PTPRG: variants seen among roughly 807,000 people sequenced by gnomAD.
The protein encoded by PTPRG is protein tyrosine phosphatase receptor type G.
Under a neutral mutation model 165.3 loss-of-function variants are expected in PTPRG, and 102 were observed. That is an observed-to-expected ratio of 0.62 (90% CI 0.53 to 0.73). The LOEUF (loss-of-function observed/expected upper bound fraction) is 0.73. Among genes scored for constraint, PTPRG ranks in the 30% least tolerant of loss-of-function variants. The pLI, the probability that PTPRG is intolerant of heterozygous loss-of-function variation, is 0.00. For missense variants in PTPRG, 1,866 were observed against 1,861.4 expected, an observed-to-expected ratio of 1.00 and a Z score of -0.05; for synonymous variants, 675 against 669.5, an observed-to-expected ratio of 1.01 and a Z score of -0.13.
intron 1 of PTPRG, among the ~76,000 whole-genome samples, chr3:61,570,735 G>A (rs574210195): frequency 8.7e-4 from 133 of 152,272 alleles, no homozygotes; most frequent in African/African-American, 3.1e-3. Flanking sequence ...AAATATTACT[G>A]ACTTTTTAAG....
At chr3:62,170,124 T>C (rs1218578753) in intron 8 of PTPRG, among the ~76,000 whole-genome samples, 1 of 152,066 alleles carries the variant, frequency 6.6e-6, no homozygotes, top group Admixed American at 6.6e-5. Flanking sequence ...TTGGGGACAA[T>C]AGATTGTCAA....
intron 2 of PTPRG, among the ~76,000 whole-genome samples, chr3:61,924,089 T>C (rs781124884): frequency 7.9e-5 from 12 of 152,358 alleles, no homozygotes; most frequent in Non-Finnish European, 1.5e-4. Flanking sequence ...GATTTTCCTT[T>C]TTTTCTGCTA....
At chr3:62,268,236 A>G (rs1413535495) in intron 19 of PTPRG, among the ~76,000 whole-genome samples, 1 of 152,024 alleles carries the variant, frequency 6.6e-6, no homozygotes, top group Non-Finnish European at 1.5e-5. Context: ...GGAACTACTA[A>G]TAGTTAAGAT....
intron 5 of PTPRG, among the ~76,000 whole-genome samples, chr3:62,112,312 C>G (rs985391813): frequency 3.3e-5 from 5 of 152,016 alleles, no homozygotes; most frequent in African/African-American, 1.2e-4. Flanking sequence ...CTATGTTGGC[C>G]AGGCTGGTCT....
intron 4 of PTPRG, among the ~76,000 whole-genome samples, chr3:62,019,189 A>G (rs1470542961): frequency 1.3e-5 from 2 of 152,184 alleles, no homozygotes; most frequent in Non-Finnish European, 2.9e-5. Flanking sequence ...CCTGAATCAG[A>G]TGTTGAACAG....
intron 2 of PTPRG, among the ~76,000 whole-genome samples, chr3:61,806,914 A>G (rs1473726917): frequency 1.3e-5 from 2 of 152,220 alleles, no homozygotes; most frequent in African/African-American, 2.4e-5. Flanking sequence ...GGAGTTTTAC[A>G]GGTGGAAACA....
rs180689154 is a variant in PTPRG, at chr3:61,970,227, C to T, written c.191-19398C>T. ...TAGCTTTTTGGATGGCATTGAGAAA[C>T]TCATGAGGAGAAGGAAAGAAGGCCT... On this transcript the variant is annotated intron_variant, in intron 2 of 29. Coordinates refer to ENST00000474889, the MANE Select transcript of PTPRG (RefSeq NM_002841.4). Among the ~76,000 whole-genome samples the T allele has an allele frequency of 5.9e-5, 9 of 151,726 alleles. 1 individual carries two copies. The highest frequency in any genetic ancestry group is 8.8e-5 in the Non-Finnish European group (6 of 68,014).
intron 3 of PTPRG, among the ~76,000 whole-genome samples, chr3:61,994,089 G>A (rs879644337): frequency 1.1e-4 from 17 of 152,150 alleles, no homozygotes; most frequent in Non-Finnish European, 1.6e-4. Context: ...ACTATCTATT[G>A]TGCCAGTTCC....
intron 2 of PTPRG, among the ~76,000 whole-genome samples, chr3:61,829,597 C>A (rs533087911): frequency 6.6e-6 from 1 of 152,206 alleles, no homozygotes; most frequent in African/African-American, 2.4e-5. Context: ...GGATTTGATG[C>A]GACTACAGTT....
At chr3:61,751,959 A>G (rs1171606443) in intron 2 of PTPRG, among the ~76,000 whole-genome samples, 4 of 151,892 alleles carry the variant, frequency 2.6e-5, no homozygotes, top group African/African-American at 7.3e-5. Context: ...CGCCCACTGC[A>G]CTCCAGCCTG....
chr3:61,825,215 G>GTC (rs1231235125), intron 2 of PTPRG, among the ~76,000 whole-genome samples: 1 of 152,172 alleles, frequency 6.6e-6, no homozygotes, highest in Non-Finnish European at 1.5e-5. Flanking sequence ...ACATTCATGT[G>GTC]TCTCAACACT....
At chr3:61,842,020 T>A (rs607882) in intron 2 of PTPRG, among the ~76,000 whole-genome samples, 63,345 of 152,070 alleles carry the variant, frequency 0.42, 14,220 homozygotes, top group East Asian at 0.63. Context: ...CTGATAAGTA[T>A]ACAAGAAATG....
At chr3:62,274,472 A>C (rs1702170405) in intron 23 of PTPRG, among the ~76,000 whole-genome samples, 1 of 152,162 alleles carries the variant, frequency 6.6e-6, no homozygotes, top group Admixed American at 6.5e-5. Flanking sequence ...AATTGCTTCT[A>C]ACTTTCAAAC....
At chr3:62,277,817 G>A in intron 26 of PTPRG, 138 bp downstream of exon 26, 3 of 1,051,744 alleles carry the variant, frequency 2.9e-6, no homozygotes, top group Non-Finnish European at 4.0e-6. Flanking sequence ...TCATCTTGAA[G>A]TCTGTGGAGA....
chr3:62,095,682 CAT>C (rs1379671735), intron 5 of PTPRG, among the ~76,000 whole-genome samples: 1 of 152,052 alleles, frequency 6.6e-6, no homozygotes, highest in Non-Finnish European at 1.5e-5. Context: ...TATGATTCAA[CAT>C]GTGTGAGGTC....
At chr3:62,174,246 T>A (rs1705329259) in intron 8 of PTPRG, among the ~76,000 whole-genome samples, 1 of 152,204 alleles carries the variant, frequency 6.6e-6, no homozygotes, top group Admixed American at 6.5e-5. Context: ...ATGAAACATA[T>A]GGTTTATTAA....
rs1331384790 is a variant in PTPRG, at chr3:62,228,139, C to A, written c.2289-3086C>A. The stretch of plus-strand genomic sequence containing the variant: ...AAAATAGTGTGTTCTGGGAAGGACT[C>A]TGACCACAGCCAGGGTTAGGTGAGA... On this transcript the variant is annotated intron_variant, in intron 13 of 29. Transcript: ENST00000474889. The surrounding 1 kb of genome is among the most constrained non-coding windows in gnomAD (Gnocchi z 4.1). Among the ~76,000 whole-genome samples the A allele has an allele frequency of 6.6e-6, 1 of 151,912 alleles. No homozygotes were observed. The highest frequency in any genetic ancestry group is 2.4e-5 in the African/African-American group (1 of 41,344).
intron 2 of PTPRG, among the ~76,000 whole-genome samples, chr3:61,921,978 C>G (rs2039088339): frequency 6.6e-6 from 1 of 152,156 alleles, no homozygotes; most frequent in South Asian, 2.1e-4. Flanking sequence ...CCAGATCTGT[C>G]TTTAATGTAT....
At chr3:61,956,079 G>A (rs2040019538) in intron 2 of PTPRG, among the ~76,000 whole-genome samples, 1 of 140,376 alleles carries the variant, frequency 7.1e-6, no homozygotes, top group South Asian at 2.5e-4. Flanking sequence ...TGTGGACTAA[G>A]GGGAAAAAAA....
Sources: gnomAD v4.1 joint callset for allele counts (sites outside exome capture counted in the v4.1 genomes callset) on GRCh38, gnomAD v4.1.1 for gene constraint, Gnocchi (gnomAD v3.1) non-coding constraint, MANE v1.5 for transcripts, NCBI Gene and HGNC (gene_info 2026-07-23, HGNC 2026-07-21) for gene names.